Variants in CDH11 observed in about 807,000 individuals in gnomAD.
The protein encoded by CDH11 is cadherin-11.
Under a neutral mutation model 67.8 loss-of-function variants are expected in CDH11, and 11 were observed. The observed-to-expected ratio is 0.16, with a 90% CI of 0.10 to 0.27. The LOEUF (loss-of-function observed/expected upper bound fraction) is 0.27, where lower values mean the gene tolerates loss of function less well. Ranked by LOEUF, CDH11 falls within the 10% of genes least tolerant of loss-of-function variation. CDH11 has a pLI of 1.00. For synonymous variants in CDH11, 419 were observed against 400.0 expected, an observed-to-expected ratio of 1.05 and a Z score of -0.57; for missense variants, 847 against 1,031.2, an observed-to-expected ratio of 0.82 and a Z score of 2.45.
chr16:65,120,991 C>G (rs537975142), intron 1 of CDH11, among the ~76,000 whole-genome samples: 1 of 152,332 alleles, frequency 6.6e-6, no homozygotes, highest in African/African-American at 2.4e-5. Context: ...GGCTCGCGTT[C>G]CGGGGCAGAG....
intron 7 of CDH11, chr16:64,987,517 G>A (rs2072517192): frequency 6.6e-6 from 1 of 152,150 alleles, no homozygotes; most frequent in Admixed American, 6.5e-5. Context: ...GGATGGTGCT[G>A]TGTCTGGCCA....
At chr16:65,060,842 G>A (rs186557177) in intron 1 of CDH11, among the ~76,000 whole-genome samples, 236 of 151,088 alleles carry the variant, frequency 1.6e-3, no homozygotes, top group African/African-American at 5.2e-3. Context: ...ATGGTTTCCC[G>A]TCAGGTCAGG....
intron 2 of CDH11, among the ~76,000 whole-genome samples, chr16:65,010,662 T>C (rs986876141): frequency 2.0e-5 from 3 of 152,060 alleles, no homozygotes; most frequent in African/African-American, 4.8e-5. Context: ...ACCCCAGCGC[T>C]CTGCAAAGGT....
intron 2 of CDH11, among the ~76,000 whole-genome samples, chr16:65,028,868 T>A (rs892074658): frequency 6.6e-6 from 1 of 152,134 alleles, no homozygotes; most frequent in African/African-American, 2.4e-5. Flanking sequence ...ACATGAGGTA[T>A]CTAAAGTAGT....
At chr16:64,956,200 A>C (rs1166875722) in intron 11 of CDH11, among the ~76,000 whole-genome samples, 1 of 152,222 alleles carries the variant, frequency 6.6e-6, no homozygotes, top group Non-Finnish European at 1.5e-5. Context: ...GACTTTAAAC[A>C]TATTATCTAG....
chr16:64,983,049 T>C (rs1352335607), intron 7 of CDH11: 1 of 152,192 alleles, frequency 6.6e-6, no homozygotes, highest in Non-Finnish European at 1.5e-5. Flanking sequence ...GGCATCGTTT[T>C]GGTTTGATTG....
intron 1 of CDH11, among the ~76,000 whole-genome samples, chr16:65,073,631 C>T (rs571356489): frequency 9.9e-5 from 15 of 151,804 alleles, no homozygotes; most frequent in Non-Finnish European, 2.2e-4. Flanking sequence ...TTTTGGGTAC[C>T]CTCTTAAATT....
rs182048997 is a variant in CDH11 at position 64,987,706 on chromosome 16, G to C, written c.999+451C>G. 1.6e-3 allele frequency: 241 copies of C among 152,992 alleles called. 1 individual carries two copies. The highest frequency in any genetic ancestry group is 5.5e-3 in the African/African-American group (229 of 41,558). 9.5% of individuals were successfully genotyped at this position (152,992 alleles called of 1,614,324 possible). ...GGTTCACTTGAGATAAAAACAAGTA[G>C]AGAAGGCTTCAGTTTCACAGAGGGT... On this transcript the variant is annotated intron_variant, in intron 7 of 12. Coordinates refer to ENST00000268603, the MANE Select transcript of CDH11 (RefSeq NM_001797.4).
intron 7 of CDH11, chr16:64,985,076 C>T (rs1327294281): frequency 6.6e-6 from 1 of 152,076 alleles, no homozygotes; most frequent in Non-Finnish European, 1.5e-5. Context: ...AAAGGTGCTG[C>T]GTGAACAGAT....
chr16:64,997,786 TG>T (rs1353135836), intron 4 of CDH11, among the ~76,000 whole-genome samples: 1 of 152,176 alleles, frequency 6.6e-6, no homozygotes, highest in Admixed American at 6.5e-5. Flanking sequence ...TTAAGTAGGT[TG>T]ATTCCTATAC....
chr16:65,069,681 G>C (rs2074382342), intron 1 of CDH11, among the ~76,000 whole-genome samples: 1 of 152,182 alleles, frequency 6.6e-6, no homozygotes, highest in African/African-American at 2.4e-5. Context: ...AATCATCGAA[G>C]TGTCAAATTA....
intron 1 of CDH11, among the ~76,000 whole-genome samples, chr16:65,071,669 A>G (rs1809330173): frequency 6.6e-6 from 1 of 152,172 alleles, no homozygotes; most frequent in South Asian, 2.1e-4. Context: ...ATTTCTCTCA[A>G]AGATAGACCG....
At chr16:65,029,359 C>T (rs4967882) in intron 2 of CDH11, among the ~76,000 whole-genome samples, 40,561 of 151,958 alleles carry the variant, frequency 0.27, 6,096 homozygotes, top group Middle Eastern at 0.36. Flanking sequence ...ACTACATAGT[C>T]GTTTTGTCGA....
intron 1 of CDH11, among the ~76,000 whole-genome samples, chr16:65,061,494 T>C (rs1475622946): frequency 2.0e-5 from 3 of 152,240 alleles, no homozygotes; most frequent in Admixed American, 6.5e-5. Flanking sequence ...GTTTGTTTTC[T>C]ATAATATTTA....
chr16:65,040,099 T>A (rs1488842594), intron 2 of CDH11, among the ~76,000 whole-genome samples: 2 of 152,220 alleles, frequency 1.3e-5, no homozygotes, highest in Non-Finnish European at 2.9e-5. Context: ...ACTTTTACAC[T>A]GTTGGTGGGA....
rs987169146 is a variant in CDH11, at chr16:64,947,092, A to G, written c.*511T>C. The G allele has an allele frequency of 3.9e-6, 4 of 1,033,384 alleles. No homozygotes were observed. Among genetic ancestry groups the G allele is most frequent in the East Asian group, 1.2e-4 (2 of 16,454 alleles). 64.0% of individuals were successfully genotyped at this position (1,033,384 alleles called of 1,614,324 possible). On this transcript the variant is annotated 3_prime_UTR_variant, in exon 13 of 13. Transcript: ENST00000268603. ...GTAACAAGATTGATGCTCAAGAGACATAATTGTACATTGTATTGTACATAC... is the reference window on the plus strand; with the variant it reads ...GTAACAAGATTGATGCTCAAGAGACGTAATTGTACATTGTATTGTACATAC...
At chr16:64,998,895 G>A (rs1297419850) in intron 3 of CDH11, 39 bp from the exon 4 acceptor site, 12 of 1,567,496 alleles carry the variant, frequency 7.7e-6, no homozygotes, top group Non-Finnish European at 1.1e-5. Context: ...ATTCCATGAG[G>A]AAAGCAGTGG....
At chr16:65,061,617 T>G (rs1031332856) in intron 1 of CDH11, among the ~76,000 whole-genome samples, 21 of 152,214 alleles carry the variant, frequency 1.4e-4, no homozygotes, top group African/African-American at 5.1e-4. Context: ...TGTGCAAGTA[T>G]TAAGTTTGAA....
intron 2 of CDH11, among the ~76,000 whole-genome samples, chr16:65,034,765 C>T (rs1206529145): frequency 2.0e-5 from 3 of 152,144 alleles, no homozygotes; most frequent in African/African-American, 7.2e-5. Context: ...GGTTAGTCAC[C>T]ATAACAGGGT....
Sources: allele counts gnomAD v4.1 joint callset (sites outside exome capture counted in the v4.1 genomes callset), GRCh38; gene constraint gnomAD v4.1.1; transcripts MANE v1.5; gene names NCBI Gene and HGNC (gene_info 2026-07-23, HGNC 2026-07-21).